PLXNB1: variants seen among roughly 807,000 people sequenced by gnomAD.
PLXNB1 encodes the protein plexin B1.
A neutral mutation model predicts 209.4 loss-of-function variants in PLXNB1; 106 were observed. That is an observed-to-expected ratio of 0.51 (90% CI 0.43 to 0.59). The LOEUF (loss-of-function observed/expected upper bound fraction) is 0.59, where lower values mean the gene tolerates loss of function less well. Among genes scored for constraint, PLXNB1 ranks in the 20% least tolerant of loss-of-function variants. PLXNB1 has a pLI of 0.00. For missense variants in PLXNB1, 2,357 were observed against 2,853.2 expected (o/e 0.83, Z 3.96); for synonymous variants, 1,167 against 1,183.2 (o/e 0.99, Z 0.28).
rs780203431 is a variant in PLXNB1, at chr3:48,405,642, C to G, written c.6303+82G>C. On this transcript the variant is annotated intron_variant, in intron 37 of 37. Transcript: ENST00000296440. The surrounding 1 kb of genome is among the most constrained non-coding windows in gnomAD (Gnocchi z 5.0). ...CCCTGGGGAAGACCAAAGCCCCCAA[C>G]GTGAGTCACAGGGTCAGAGCCCCTT... 4 of 1,096,438 alleles carry G rather than the reference C, an allele frequency of 3.6e-6. No homozygotes were observed. Among genetic ancestry groups the G allele is most frequent in the East Asian group, 2.5e-5 (1 of 40,716 alleles). The allele number at this position is 1,096,438 out of a possible 1,614,324, so 67.9% of individuals were successfully genotyped here. A position where few individuals can be genotyped will look rare whatever the true frequency, so the allele number is the denominator to read the frequency against.
Position 48,418,522 on chromosome 3 carries a change from C to A in PLXNB1, c.2976G>T (p.Gln992His), listed in dbSNP as rs1406439946. 3 of 1,605,508 alleles carry A rather than the reference C, an allele frequency of 1.9e-6. No individual in the cohort carries two copies. Among genetic ancestry groups the A allele is most frequent in the Non-Finnish European group, 2.5e-6 (3 of 1,176,620 alleles). ...QQHQLSYEAL[Q>H]PELRVGLFLR... ...GAAACAGCCCCACACGGAGCTCCGG[C>A]TGCAGAGCCTCATAGCTGAGCTGGA... is the stretch of plus-strand genomic sequence containing the variant. Residue 992 changes from glutamine to histidine, a missense_variant, in exon 14 of 38, where the codon CAG becomes CAT. Gln to His is a conservative substitution (Grantham distance 24). This residue lies in a region of PLXNB1 where 410 missense variants were observed against 401.0 expected (regional missense o/e 1.02). Coordinates refer to ENST00000296440, the MANE Select transcript of PLXNB1 (RefSeq NM_001130082.3). This position sits in a 1 kb window ranked among gnomAD's most constrained non-coding sequence, Gnocchi z 6.6.
chr3:48,424,081 C>T lies in PLXNB1; in HGVS notation c.531G>A (p.Val177=). The T allele has an allele frequency of 6.4e-7, 1 of 1,567,860 alleles. No individual in the cohort carries two copies. The highest frequency in any genetic ancestry group is 8.7e-7 in the Non-Finnish European group (1 of 1,156,000). The change falls in exon 3 of 38, where the codon GTG becomes GTA. Residue 177 remains valine (V), a synonymous_variant. Coordinates refer to ENST00000296440, the MANE Select transcript of PLXNB1 (RefSeq NM_001130082.3). Reference sequence around the variant, plus strand: ...TTGTGATGGGTGGAATGCCACCCCCCACACCCCTGCTGGTGTATCCTCGCC... The same window carrying T: ...TTGTGATGGGTGGAATGCCACCCCCTACACCCCTGCTGGTGTATCCTCGCC... ...FVGRGYTSRG[V]GGGIPPITTR... is the part of the protein sequence containing the mutation.
In PLXNB1 at chr3:48,421,628, T is replaced by C. The variant is rs562431145; in HGVS notation, c.1653+46A>G. The C allele has an allele frequency of 9.0e-6, 14 of 1,548,092 alleles. No homozygotes were observed. In the African/African-American group the frequency reaches 9.5e-5, roughly 11 times the overall value. ...TCCAAGATCTCTACCCAGACCTTGA[T>C]GCCCAGAGCCCTCCCCACCAGGGCC... On this transcript the variant is annotated intron_variant, in intron 7 of 37. Coordinates refer to ENST00000296440, the MANE Select transcript of PLXNB1 (RefSeq NM_001130082.3).
chr3:48,411,777 G>T lies in PLXNB1; in HGVS notation c.5247+86C>A. ...ACATCCAGGTACCACATCAGAAGCTGGTGTCCAGACCCCACACACCCACAC... is the reference window on the plus strand; with the variant it reads ...ACATCCAGGTACCACATCAGAAGCTTGTGTCCAGACCCCACACACCCACAC... On this transcript the variant is annotated intron_variant, in intron 28 of 37. Transcript: ENST00000296440. This position sits in a 1 kb window ranked among gnomAD's most constrained non-coding sequence, Gnocchi z 4.0. 6.8e-7 allele frequency: 1 copy of T among 1,460,990 alleles called. No homozygotes were observed. The highest frequency in any genetic ancestry group is 2.3e-5 in the East Asian group (1 of 43,798). 90.5% of individuals were successfully genotyped at this position (1,460,990 alleles called of 1,614,324 possible).
In PLXNB1 at chr3:48,411,465, GA is replaced by G. The variant is rs774628509; in HGVS notation, c.5247+397del. Among the ~76,000 whole-genome samples, 101 of 152,306 alleles carry G rather than the reference GA, an allele frequency of 6.6e-4. No homozygotes were observed. The highest frequency in any genetic ancestry group is 3.4e-3 in the Middle Eastern group (1 of 294). Reference sequence around the variant, plus strand: ...AGGAACCCTTGTGCGTAACTAAGGGGAAAGCAAACCCAGAGAGAAGTGCCTG... The same window carrying G: ...AGGAACCCTTGTGCGTAACTAAGGGGAAGCAAACCCAGAGAGAAGTGCCTG... On this transcript the variant is annotated intron_variant, in intron 28 of 37. Transcript: ENST00000296440. This position sits in a 1 kb window ranked among gnomAD's most constrained non-coding sequence, Gnocchi z 4.0.
Position 48,410,962 on chromosome 3 carries a change from A to C in PLXNB1, c.5322T>G (p.Cys1774Trp). 1 of 1,613,922 alleles carries C rather than the reference A, an allele frequency of 6.2e-7. No individual in the cohort carries two copies. The highest frequency in any genetic ancestry group is 1.1e-5 in the South Asian group (1 of 91,076). The change falls in exon 29 of 38, where the codon TGT (cysteine) becomes TGG (tryptophan). Residue 1774 changes from cysteine (C) to tryptophan (W), a missense_variant. Transcript: ENST00000296440. This position sits in a 1 kb window ranked among gnomAD's most constrained non-coding sequence, Gnocchi z 6.4. ...TCTCCTTTGCCTGGGAGATGGTGTC[A>C]CAGTCTAGGACCTTCACGGGCACGC... is the stretch of plus-strand genomic sequence containing the variant. ...AQGVPVKVLD[C>W]DTISQAKEKM... is the part of the protein sequence containing the mutation.
Position 48,422,437 on chromosome 3 carries a change from T to C in PLXNB1, c.1313A>G (p.Asp438Gly), listed in dbSNP as rs1440168064. The C allele has an allele frequency of 6.3e-7, 1 of 1,594,992 alleles. No individual in the cohort carries two copies. Among genetic ancestry groups the C allele is most frequent in the Admixed American group, 1.7e-5 (1 of 57,656 alleles). ...LHRVYLGPGS[D>G]GHPYSTQSIQ... ...GCTCTGTGTGGAGTATGGGTGGCCATCGCTCCCTGGGCCCAAGTAGACCTG... is the reference window on the plus strand; with the variant it reads ...GCTCTGTGTGGAGTATGGGTGGCCACCGCTCCCTGGGCCCAAGTAGACCTG... The change falls in exon 5 of 38, where the codon GAT becomes GGT. Residue 438 changes from aspartate (D) to glycine (G), a missense_variant. Asp to Gly is a moderately conservative substitution (Grantham distance 94). This residue lies in a region of PLXNB1 where 404 missense variants were observed against 443.6 expected (regional missense o/e 0.91). Transcript: ENST00000296440.
rs370767561 is a variant in PLXNB1 at position 48,424,132 on chromosome 3, C to T, written c.480G>A (p.Leu160=). The change falls in exon 3 of 38, where the codon TTG becomes TTA. Residue 160 remains leucine, a synonymous_variant. Coordinates refer to ENST00000296440, the MANE Select transcript of PLXNB1 (RefSeq NM_001130082.3). ...CCACAAACAGGAGGGGCTCCCCTGC[C>T]AAGCCCTGGGCTACCAGCCCCACCG... ...VSTVGLVAQG[L]AGEPLLFVGR... The T allele has an allele frequency of 6.4e-7, 1 of 1,557,436 alleles. No homozygotes were observed. Among genetic ancestry groups the T allele is most frequent in the African/African-American group, 1.4e-5 (1 of 73,574 alleles).
Position 48,409,737 on chromosome 3 carries a change from G to C in PLXNB1, c.5779-6C>G, listed in dbSNP as rs987388821. ...ACGAACTTCTGCAGGGTGCCCTGTG[G>C]GAAGGAAGAAGCAGAGAGGTGTGGT... On this transcript the variant is annotated splice_region_variant and splice_polypyrimidine_tract_variant and intron_variant, in intron 32 of 37. Transcript: ENST00000296440. This position sits in a 1 kb window ranked among gnomAD's most constrained non-coding sequence, Gnocchi z 5.8. 6.2e-7 allele frequency: 1 copy of C among 1,612,868 alleles called. No individual in the cohort carries two copies. Among genetic ancestry groups the C allele is most frequent in the East Asian group, 2.2e-5 (1 of 44,866 alleles).
rs965612234 is a variant in PLXNB1 at position 48,418,864 on chromosome 3, G to A, written c.2955+53C>T. 1 of 1,607,224 alleles carries A rather than the reference G, an allele frequency of 6.2e-7. No individual in the cohort carries two copies. Among genetic ancestry groups the A allele is most frequent in the Non-Finnish European group, 8.5e-7 (1 of 1,176,112 alleles). On this transcript the variant is annotated intron_variant, in intron 13 of 37. Coordinates refer to ENST00000296440, the MANE Select transcript of PLXNB1 (RefSeq NM_001130082.3). The surrounding 1 kb of genome is among the most constrained non-coding windows in gnomAD (Gnocchi z 6.6). ...TGCAGCCAGCTACAGTTGGCAGCCAGCCTGTGGCCAGTGCAGTGCACCCGT... is the reference window on the plus strand; with the variant it reads ...TGCAGCCAGCTACAGTTGGCAGCCAACCTGTGGCCAGTGCAGTGCACCCGT...
chr3:48,421,636 G>A, intron 7 of PLXNB1, 38 bp downstream of exon 7: 1 of 1,565,030 alleles, frequency 6.4e-7, no homozygotes, highest in Non-Finnish European at 8.7e-7. Context: ...GATGCCCAGA[G>A]CCCTCCCCAC....
In PLXNB1 at chr3:48,416,473, G is replaced by A. The variant is rs1195854316; in HGVS notation, c.3375-22C>T. 6.4e-7 allele frequency: 1 copy of A among 1,555,638 alleles called. No homozygotes were observed. The highest frequency in any genetic ancestry group is 8.8e-7 in the Non-Finnish European group (1 of 1,133,432). On this transcript the variant is annotated intron_variant, in intron 16 of 37. Coordinates refer to ENST00000296440, the MANE Select transcript of PLXNB1 (RefSeq NM_001130082.3). This position sits in a 1 kb window ranked among gnomAD's most constrained non-coding sequence, Gnocchi z 4.1. The stretch of plus-strand genomic sequence containing the variant: ...GAGGCTGTAGGCACAGGGCAGGCTA[G>A]GGGGTGCCAGGCTGCATCAAGGGCC...
rs755222166 is a variant in PLXNB1, at chr3:48,422,851, C to T, written c.1204G>A (p.Gly402Arg). The T allele has an allele frequency of 1.2e-6, 2 of 1,614,178 alleles. No homozygotes were observed. Among genetic ancestry groups the T allele is most frequent in the Non-Finnish European group, 1.7e-6 (2 of 1,180,000 alleles). ...ACTGCCACAGCTGTTAGCTGAATCC[C>T]TGGCCACTCCAGAATTGGTGTGGCT... ...LEATPILEWP[G>R]IQLTAVAVTM... The change falls in exon 4 of 38, where the codon GGG (glycine) becomes AGG (arginine). Residue 402 changes from glycine (G) to arginine (R), a missense_variant. Around this residue, in one of 7 missense-constraint regions of PLXNB1, gnomAD observed 404 missense variants for 443.6 expected, o/e 0.91. Transcript: ENST00000296440.
In PLXNB1 at chr3:48,422,905, T is replaced by G; in HGVS notation, c.1150A>C (p.Ser384Arg). The change falls in exon 4 of 38, where the codon AGC becomes CGC. Residue 384 changes from serine (S) to arginine (R), a missense_variant. Ser to Arg is a moderately radical substitution (Grantham distance 110). Around this residue, in one of 7 missense-constraint regions of PLXNB1, gnomAD observed 404 missense variants for 443.6 expected, o/e 0.91. Coordinates refer to ENST00000296440, the MANE Select transcript of PLXNB1 (RefSeq NM_001130082.3). The stretch of plus-strand genomic sequence containing the variant: ...AGCGGGACCCGGCTGGCCATGGGGC[T>G]GGGCGTGTGGTCTGAGCCACAGGGA... The part of the protein sequence containing the change: ...AYPCGSDHTP[S>R]PMASRVPLEA... 3.7e-6 allele frequency: 6 copies of G among 1,614,086 alleles called. No homozygotes were observed. The highest frequency in any genetic ancestry group is 5.1e-6 in the Non-Finnish European group (6 of 1,179,968).
rs1404381233 is a variant in PLXNB1, at chr3:48,409,945, G to A, written c.5738C>T (p.Ala1913Val). ...LRGGERERAK[A>V]IPEIYLTRLL... is the part of the protein sequence containing the mutation. ...GCGGGTCAGGTAGATCTCAGGGATGGCCTTGGCGCGCTCACGCTCCCCGCC... is the reference window on the plus strand; with the variant it reads ...GCGGGTCAGGTAGATCTCAGGGATGACCTTGGCGCGCTCACGCTCCCCGCC... The change falls in exon 32 of 38, where the codon GCC (alanine) becomes GTC (valine). Residue 1913 changes from alanine to valine, a missense_variant. Ala to Val is a moderately conservative substitution (Grantham distance 64). Around this residue, in one of 7 missense-constraint regions of PLXNB1, gnomAD observed 414 missense variants for 520.5 expected, o/e 0.80. Transcript: ENST00000296440. The surrounding 1 kb of genome is among the most constrained non-coding windows in gnomAD (Gnocchi z 5.8). 3.1e-6 allele frequency: 5 copies of A among 1,612,134 alleles called. No individual in the cohort carries two copies. The African/African-American group carries it at 6.7e-5, about 22-fold the overall frequency.
At position 48,423,492 on chromosome 3, in the gene PLXNB1, T is replaced by G; in HGVS notation, c.1107+13A>C. 1 of 1,607,612 alleles carries G rather than the reference T, an allele frequency of 6.2e-7. No homozygotes were observed. Among genetic ancestry groups the G allele is most frequent in the Non-Finnish European group, 8.5e-7 (1 of 1,174,962 alleles). ...TCAGAGAGGCGGAAAAGTGGGGCAA[T>G]ACTGGAACTCACCACTGGCAGCTGT... On this transcript the variant is annotated intron_variant, in intron 3 of 37. Coordinates refer to ENST00000296440, the MANE Select transcript of PLXNB1 (RefSeq NM_001130082.3).
In PLXNB1 at chr3:48,412,525, C is replaced by G; in HGVS notation, c.4950G>C (p.Glu1650Asp). The G allele has an allele frequency of 2.5e-6, 4 of 1,613,694 alleles. No homozygotes were observed. Among genetic ancestry groups the G allele is most frequent in the Non-Finnish European group, 3.4e-6 (4 of 1,180,044 alleles). Residue 1650 changes from glutamate to aspartate, a missense_variant, in exon 26 of 38, where the codon GAG (glutamate) becomes GAC (aspartate). Transcript: ENST00000296440. ...GAGTGCGGAGGATGTCAGTGAAATA[C>G]TCAAGCTTCCCATGCAGTGCCACGG... ...LLTVALHGKL[E>D]YFTDILRTLL...
At position 48,415,226 on chromosome 3, in the gene PLXNB1, C is replaced by A. The variant is rs144825092; in HGVS notation, c.3916G>T (p.Val1306Leu). 9 of 1,613,364 alleles carry A rather than the reference C, an allele frequency of 5.6e-6. No homozygotes were observed. In the African/African-American group the frequency reaches 1.2e-4, roughly 22 times the overall value. ...PSQGLGRRRR[V>L]VPETACSLGP... ...AGGGAACATGCCGTCTCCGGGACCA[C>A]GCGACGCCTCCGTCCAAGCCCCTGG... The change falls in exon 20 of 38, where the codon GTG (valine) becomes TTG (leucine). Residue 1306 changes from valine to leucine, a missense_variant. Coordinates refer to ENST00000296440, the MANE Select transcript of PLXNB1 (RefSeq NM_001130082.3). This position sits in a 1 kb window ranked among gnomAD's most constrained non-coding sequence, Gnocchi z 5.0.
chr3:48,427,304 G>A (rs2038946118), intron 1 of PLXNB1, among the ~76,000 whole-genome samples: 1 of 152,162 alleles, frequency 6.6e-6, no homozygotes, highest in Admixed American at 6.5e-5. Context: ...AGGGAAAGTG[G>A]TCAGGCTTCT....
Sources: allele counts gnomAD v4.1 joint callset (sites outside exome capture counted in the v4.1 genomes callset), GRCh38; gene constraint gnomAD v4.1.1; regional missense constraint gnomAD v4.1.1; non-coding constraint Gnocchi (gnomAD v3.1); transcripts MANE v1.5; gene names NCBI Gene and HGNC (gene_info 2026-07-23, HGNC 2026-07-21).